Variants in MROH2B observed in about 807,000 individuals in gnomAD.
MROH2B encodes the protein maestro heat-like repeat-containing protein family member 2B.
Under a neutral mutation model 208.6 loss-of-function variants are expected in MROH2B, and 177 were observed. The ratio of observed to expected loss-of-function variants is 0.85; its 90% CI spans 0.75 to 0.96. The LOEUF (loss-of-function observed/expected upper bound fraction) is 0.96. Among genes scored for constraint, MROH2B ranks in the 40% least tolerant of loss-of-function variants. The pLI, the probability that MROH2B is intolerant of heterozygous loss-of-function variation, is 0.00. For missense variants in MROH2B, 2,002 were observed against 1,878.7 expected, an observed-to-expected ratio of 1.07 and a Z score of -1.21; for synonymous variants, 728 against 659.0, an observed-to-expected ratio of 1.10 and a Z score of -1.60.
chr5:41,070,554 A>G (rs1377810557), intron 1 of MROH2B, among the ~76,000 whole-genome samples: 3 of 152,196 alleles, frequency 2.0e-5, no homozygotes, highest in Non-Finnish European at 4.4e-5. Context: ...AAATTAAATA[A>G]CAAACTGCCT....
At chr5:41,040,547 T>C (rs1001080140) in intron 19 of MROH2B, among the ~76,000 whole-genome samples, 2 of 152,258 alleles carry the variant, frequency 1.3e-5, no homozygotes, top group African/African-American at 4.8e-5. Context: ...GAAAGTCACG[T>C]GTTAACACTT....
Position 41,009,383 on chromosome 5 carries a change from G to A in MROH2B, c.3317C>T (p.Ala1106Val), listed in dbSNP as rs763959727. ...ACTGGAGGCTGGCTTTTCAGCCAGC[G>A]CCTTCCACAATGTCTTTGTGTCCCT... ...FDRDTKTLWK[A>V]LAEKPASSGK... is the part of the protein sequence containing the mutation. Residue 1106 changes from alanine (A) to valine (V), a missense_variant, in exon 32 of 42, where the codon GCG (alanine) becomes GTG (valine). Physicochemically the swap from Ala to Val is moderately conservative, Grantham distance 64 (BLOSUM62 0). Coordinates refer to ENST00000399564, the MANE Select transcript of MROH2B (RefSeq NM_173489.5). 246 of 1,613,772 alleles carry A rather than the reference G, an allele frequency of 1.5e-4. 2 individuals carry two copies. The South Asian group carries it at 2.0e-3, about 13-fold the overall frequency.
intron 18 of MROH2B, among the ~76,000 whole-genome samples, chr5:41,043,523 C>T (rs1743017558): frequency 6.6e-6 from 1 of 152,150 alleles, no homozygotes; most frequent in African/African-American, 2.4e-5. Flanking sequence ...AAATGTTAGT[C>T]TTAGTGCCTC....
chr5:41,005,611 C>G lies in MROH2B; in HGVS notation c.3784G>C (p.Asp1262His), dbSNP rs1741562354. 1 of 1,612,196 alleles carries G rather than the reference C, an allele frequency of 6.2e-7. No individual in the cohort carries two copies. The highest frequency in any genetic ancestry group is 1.3e-5 in the African/African-American group (1 of 75,024). Reference protein sequence around the residue: ...MAVWQHGVILDIMEQLLSSLT... With the variant: ...MAVWQHGVILHIMEQLLSSLT... ...GATGAGAGCAGCTGTTCCATGATGT[C>G]CAGTATGACTCCGTGTTGCCACACT... The change falls in exon 35 of 42, where the codon GAC becomes CAC. Residue 1262 changes from aspartate (D) to histidine (H), a missense_variant. Asp to His is a moderately conservative substitution (Grantham distance 81, BLOSUM62 -1). Transcript: ENST00000399564.
chr5:41,040,203 C>T (rs1742899510), intron 19 of MROH2B, among the ~76,000 whole-genome samples: 1 of 152,076 alleles, frequency 6.6e-6, no homozygotes, highest in African/African-American at 2.4e-5. Context: ...CATTCTGTTC[C>T]TGAAACTTTA....
Position 41,058,064 on chromosome 5 carries a change from T to C in MROH2B, c.755A>G (p.Gln252Arg). Residue 252 changes from glutamine (Q) to arginine (R), a missense_variant and splice_region_variant, in exon 7 of 42, where the codon CAG becomes CGG. Physicochemically the swap from Gln to Arg is conservative, Grantham distance 43. Transcript: ENST00000399564. Reference sequence around the variant, plus strand: ...GTTCCTTTAGGGTATGGCTCTTACCTGAGTGACATGGAAATCAATCTCTTT... The same window carrying C: ...GTTCCTTTAGGGTATGGCTCTTACCCGAGTGACATGGAAATCAATCTCTTT... Reference protein sequence around the residue: ...KDKEIDFHVTQSLKQILTAAV... With the variant: ...KDKEIDFHVTRSLKQILTAAV... 6.3e-7 allele frequency: 1 copy of C among 1,585,238 alleles called. No homozygotes were observed. The highest frequency in any genetic ancestry group is 8.6e-7 in the Non-Finnish European group (1 of 1,165,272).
chr5:41,057,574 T>TTTTTTTTTTTTTTTTTTA (rs1561304757), intron 7 of MROH2B, among the ~76,000 whole-genome samples: 2 of 142,728 alleles, frequency 1.4e-5, no homozygotes, highest in Non-Finnish European at 3.0e-5. Flanking sequence ...TTTTTTTTTT[T>TTTTTTTTTTTTTTTTTTA]GAGACGGAGT....
intron 21 of MROH2B, among the ~76,000 whole-genome samples, chr5:41,037,460 G>A (rs1302738814): frequency 6.6e-6 from 1 of 152,128 alleles, no homozygotes; most frequent in Non-Finnish European, 1.5e-5. Context: ...TGATTCATTA[G>A]GCATCTCTAT....
Position 41,038,865 on chromosome 5 carries a change from G to T in MROH2B, c.2085C>A (p.Ser695Arg), listed in dbSNP as rs766523465. 3.7e-6 allele frequency: 6 copies of T among 1,608,710 alleles called. No homozygotes were observed. The highest frequency in any genetic ancestry group is 5.1e-6 in the Non-Finnish European group (6 of 1,178,044). The change falls in exon 21 of 42, where the codon AGC (serine) becomes AGA (arginine). Residue 695 changes from serine (S) to arginine (R), a missense_variant. Physicochemically the swap from Ser to Arg is moderately radical, Grantham distance 110. Coordinates refer to ENST00000399564, the MANE Select transcript of MROH2B (RefSeq NM_173489.5). ...RCKSLFSGKK[S>R]LTKTDVMVIY... ...TGACCATGACATCTGTCTTGGTCAG[G>T]CTCTTTTTCCCAGAAAAAAGGCTCT...
intron 4 of MROH2B, 72 bp from the exon 5 acceptor site, chr5:41,064,642 A>C: frequency 8.7e-7 from 1 of 1,143,534 alleles, no homozygotes. Context: ...ACTCCAAATC[A>C]ACAAGAAGCA....
intron 24 of MROH2B, 68 bp downstream of exon 24, chr5:41,032,674 G>A: frequency 7.7e-7 from 1 of 1,298,128 alleles, no homozygotes; most frequent in Admixed American, 1.9e-5. Flanking sequence ...ACTAACAGAT[G>A]TTAGTTGATC....
chr5:41,065,292 T>C, intron 4 of MROH2B, 39 bp downstream of exon 4: 2 of 1,568,346 alleles, frequency 1.3e-6, no homozygotes, highest in South Asian at 2.4e-5. Flanking sequence ...TTAGAAGTTG[T>C]CATTTCCCAG....
In MROH2B at chr5:41,065,809, C is replaced by G. The variant is rs181010408; in HGVS notation, c.202-319G>C. 3.1e-3 allele frequency among the ~76,000 whole-genome samples: 468 copies of G among 152,282 alleles called. 4 individuals are homozygous for G. The highest frequency in any genetic ancestry group is 5.1e-3 in the Non-Finnish European group (344 of 68,038). ...CAAGTTACCTCTGCTTTCCCAGCAA[C>G]TGACACCTACCAAGAATCTTTCACC... On this transcript the variant is annotated intron_variant, in intron 3 of 41. Coordinates refer to ENST00000399564, the MANE Select transcript of MROH2B (RefSeq NM_173489.5).
At chr5:41,063,090 A>T (rs1743691660) in intron 5 of MROH2B, among the ~76,000 whole-genome samples, 1 of 152,210 alleles carries the variant, frequency 6.6e-6, no homozygotes, top group Non-Finnish European at 1.5e-5. Flanking sequence ...GTGATTTAAG[A>T]TCAAAGGGCA....
intron 24 of MROH2B, among the ~76,000 whole-genome samples, chr5:41,032,341 A>G (rs1249377158): frequency 6.6e-6 from 1 of 152,136 alleles, no homozygotes; most frequent in Non-Finnish European, 1.5e-5. Flanking sequence ...TATTTTTAAA[A>G]TATGCCAAAA....
At position 41,004,885 on chromosome 5, in the gene MROH2B, A is replaced by C; in HGVS notation, c.3900T>G (p.Asn1300Lys). The C allele has an allele frequency of 6.2e-7, 1 of 1,614,006 alleles. No homozygotes were observed. The highest frequency in any genetic ancestry group is 8.5e-7 in the Non-Finnish European group (1 of 1,179,874). The change falls in exon 36 of 42, where the codon AAT becomes AAG. Residue 1300 changes from asparagine to lysine, a missense_variant. By Grantham distance (94) the Asn-to-Lys change is moderately conservative. Transcript: ENST00000399564. ...MKEPILWKHG[N>K]LRNVLILMDQ... ...CCATCAAGATCAGCACATTTCGCAG[A>C]TTCCCATGCTTCCAAAGGATTGGTT... is the stretch of plus-strand genomic sequence containing the variant.
chr5:41,001,175 G>T (rs1741386162), intron 37 of MROH2B, among the ~76,000 whole-genome samples: 1 of 152,094 alleles, frequency 6.6e-6, no homozygotes. Flanking sequence ...GTTTCTGCTT[G>T]TTATGTATTT....
chr5:41,063,801 C>T (rs1018748767), intron 5 of MROH2B, among the ~76,000 whole-genome samples: 1 of 152,150 alleles, frequency 6.6e-6, no homozygotes, highest in African/African-American at 2.4e-5. Context: ...GGTCTCCAGT[C>T]TCATCCAAGA....
chr5:41,018,860 A>C, intron 25 of MROH2B, 23 bp downstream of exon 25: 1 of 1,613,762 alleles, frequency 6.2e-7, no homozygotes. Flanking sequence ...CTGTCATCCT[A>C]CTTAGGCCTC....
Sources: gnomAD v4.1 joint callset for allele counts (sites outside exome capture counted in the v4.1 genomes callset) on GRCh38, gnomAD v4.1.1 for gene constraint, MANE v1.5 for transcripts, NCBI Gene and HGNC (gene_info 2026-07-23, HGNC 2026-07-21) for gene names.